Variants in ERO1B observed in about 807,000 individuals in gnomAD.
ERO1B encodes endoplasmic reticulum oxidoreductase 1 beta.
ERO1B carries 49 observed loss-of-function variants against 75.3 expected under a neutral mutation model. The observed-to-expected ratio is 0.65, with a 90% CI of 0.52 to 0.83. ERO1B has a LOEUF of 0.83. Among genes scored for constraint, ERO1B ranks in the 40% least tolerant of loss-of-function variants. ERO1B has a pLI of 0.00. For synonymous variants in ERO1B, 191 were observed against 192.9 expected (o/e 0.99, Z 0.08); for missense variants, 512 against 560.1 (o/e 0.91, Z 0.87).
At position 236,221,243 on chromosome 1, in the gene ERO1B, A is replaced by G. The variant is rs145887389; in HGVS notation, c.1210-278T>C. Among the ~76,000 whole-genome samples, 41 of 152,268 alleles carry G rather than the reference A, an allele frequency of 2.7e-4. 2 individuals carry two copies. In the East Asian group the frequency reaches 5.4e-3, roughly 20 times the overall value. ...ACTTTTTTAACCTTGAAAATACCAT[A>G]TTAGGATTACAATGTTCAATTTGTA... is the stretch of plus-strand genomic sequence containing the variant. On this transcript the variant is annotated intron_variant, in intron 14 of 15. Coordinates refer to ENST00000354619, the MANE Select transcript of ERO1B (RefSeq NM_019891.4).
At chr1:236,241,111 C>T (rs937110131) in intron 6 of ERO1B, among the ~76,000 whole-genome samples, 1 of 152,142 alleles carries the variant, frequency 6.6e-6, no homozygotes, top group African/African-American at 2.4e-5. Flanking sequence ...AAGTCATTAT[C>T]AACAGCAAAA....
At chr1:236,253,836 T>C (rs1572055994) in intron 2 of ERO1B, among the ~76,000 whole-genome samples, 1 of 152,112 alleles carries the variant, frequency 6.6e-6, no homozygotes. Flanking sequence ...GGGTAGGCTA[T>C]GGGGGGAAAA....
At chr1:236,222,302 G>A (rs530963001) in intron 13 of ERO1B, among the ~76,000 whole-genome samples, 69 of 152,172 alleles carry the variant, frequency 4.5e-4, no homozygotes, top group African/African-American at 1.5e-3. Flanking sequence ...TAGTAGAGAC[G>A]GGGTTTCGCC....
intron 3 of ERO1B, 143 bp downstream of exon 3, chr1:236,253,278 TG>T: frequency 1.7e-6 from 1 of 589,230 alleles, no homozygotes; most frequent in South Asian, 2.2e-5. Context: ...TTCAATAATC[TG>T]GTTCTAAAGG....
At chr1:236,227,349 C>T (rs765151438) in intron 10 of ERO1B, among the ~76,000 whole-genome samples, 1 of 152,120 alleles carries the variant, frequency 6.6e-6, no homozygotes, top group Non-Finnish European at 1.5e-5. Flanking sequence ...TTTGATGTAG[C>T]CTTCTTAAGC....
intron 4 of ERO1B, chr1:236,251,519 CAGAG>C (rs541231108): frequency 7.4e-6 from 7 of 941,762 alleles, no homozygotes; most frequent in South Asian, 9.8e-5. Flanking sequence ...AAGAAGGAGA[CAGAG>C]AGAGAGGGTA....
chr1:236,254,111 G>C (rs1484186378), intron 2 of ERO1B, among the ~76,000 whole-genome samples: 2 of 152,180 alleles, frequency 1.3e-5, no homozygotes, highest in African/African-American at 4.8e-5. Flanking sequence ...AATGTAGAAG[G>C]GGGAGGGTGG....
At chr1:236,265,553 A>G (rs934153851) in intron 2 of ERO1B, among the ~76,000 whole-genome samples, 4 of 152,122 alleles carry the variant, frequency 2.6e-5, no homozygotes, top group African/African-American at 9.7e-5. Context: ...TCTATTGCAA[A>G]TCTGTATTGT....
chr1:236,263,467 C>G (rs1357453320), intron 2 of ERO1B, among the ~76,000 whole-genome samples: 1 of 152,006 alleles, frequency 6.6e-6, no homozygotes, highest in African/African-American at 2.4e-5. Context: ...CCAGGCGGGT[C>G]TCGAACTCCT....
intron 4 of ERO1B, among the ~76,000 whole-genome samples, chr1:236,250,377 C>A (rs1353582986): frequency 6.6e-6 from 1 of 151,772 alleles, no homozygotes; most frequent in Non-Finnish European, 1.5e-5. Context: ...GAGGCTGAGG[C>A]AGGAGAATTG....
Position 236,249,955 on chromosome 1 carries a change from C to T in ERO1B, c.361G>A (p.Ala121Thr). The change falls in exon 5 of 16, where the codon GCA becomes ACA. Residue 121 changes from alanine (A) to threonine (T), a missense_variant. Transcript: ENST00000354619. ...TCTTCTAATTCTTTGGTATTGTTTG[C>T]CATTTTCAAGTACTGCAAAGAAGTT... ...AGHSNKYLKM[A>T]NNTKELEDCE... 2 of 1,598,732 alleles carry T rather than the reference C, an allele frequency of 1.3e-6. No homozygotes were observed. The highest frequency in any genetic ancestry group is 1.2e-5 in the South Asian group (1 of 86,108).
At position 236,250,618 on chromosome 1, in the gene ERO1B, T is replaced by TATATATATGTATAG. The variant is rs1491338079; in HGVS notation, c.349-652_349-651insCTATACATATATAT. 9.6e-4 allele frequency among the ~76,000 whole-genome samples: 106 copies of TATATATATGTATAG among 110,250 alleles called. 11 individuals carry two copies. Among genetic ancestry groups the TATATATATGTATAG allele is most frequent in the Non-Finnish European group, 1.5e-3 (78 of 51,976 alleles). The allele number at this position is 110,250 out of a possible 152,430, so 72.3% of individuals were successfully genotyped here. On this transcript the variant is annotated intron_variant, in intron 4 of 15. Coordinates refer to ENST00000354619, the MANE Select transcript of ERO1B (RefSeq NM_019891.4). Reference sequence around the variant, plus strand: ...ATATATATATATATATATATATATATCAAACGTGTGTGTGCAAACATATAT... The same window carrying TATATATATGTATAG: ...ATATATATATATATATATATATATATATATATATGTATAGCAAACGTGTGTGTGCAAACATATAT...
chr1:236,239,823 G>GTGTGTATATATA (rs1558510815), intron 6 of ERO1B, among the ~76,000 whole-genome samples: 4 of 115,958 alleles, frequency 3.4e-5, no homozygotes, highest in South Asian at 3.3e-4. Context: ...ATATATATAT[G>GTGTGTATATATA]TGTATATATA....
In ERO1B at chr1:236,226,249, C is replaced by T. The variant is rs779765614; in HGVS notation, c.1052+20G>A. On this transcript the variant is annotated intron_variant, in intron 12 of 15. Coordinates refer to ENST00000354619, the MANE Select transcript of ERO1B (RefSeq NM_019891.4). Reference sequence around the variant, plus strand: ...GAATACAGAGAGGAGAATTTCAAATCACGGATAGTCAATTCTTACTTTGTA... The same window carrying T: ...GAATACAGAGAGGAGAATTTCAAATTACGGATAGTCAATTCTTACTTTGTA... 6.2e-7 allele frequency: 1 copy of T among 1,609,250 alleles called. No homozygotes were observed. The highest frequency in any genetic ancestry group is 1.7e-5 in the Admixed American group (1 of 59,264).
Position 236,250,034 on chromosome 1 carries a change from G to A in ERO1B, c.349-67C>T, listed in dbSNP as rs1664978130. ...TTCTTTATTTCAGTTTCTATTGGCA[G>A]AATAATCAATCTGTCAACAATGATA... is the stretch of plus-strand genomic sequence containing the variant. On this transcript the variant is annotated intron_variant, in intron 4 of 15. Coordinates refer to ENST00000354619, the MANE Select transcript of ERO1B (RefSeq NM_019891.4). The A allele has an allele frequency of 1.1e-5, 11 of 1,045,500 alleles. No individual in the cohort carries two copies. In the South Asian group the frequency reaches 1.7e-4, roughly 16 times the overall value. The allele number at this position is 1,045,500 out of a possible 1,614,324, so 64.8% of individuals were successfully genotyped here. A position where few individuals can be genotyped will look rare whatever the true frequency, so the allele number is the denominator to read the frequency against.
At chr1:236,255,087 ATTT>A (rs1235774948) in intron 2 of ERO1B, among the ~76,000 whole-genome samples, 1 of 138,778 alleles carries the variant, frequency 7.2e-6, no homozygotes. Flanking sequence ...CACCTGGCTA[ATTT>A]TTTTTTTCTT....
In ERO1B at chr1:236,265,762, G is replaced by A. The variant is rs141044087; in HGVS notation, c.222+4113C>T. On this transcript the variant is annotated intron_variant, in intron 2 of 15. Coordinates refer to ENST00000354619, the MANE Select transcript of ERO1B (RefSeq NM_019891.4). ...ACCTATATTTCCAACTCTCCCTCTC[G>A]TTCACTCCAGCTATACCAGCTTTCT... 6.3e-3 allele frequency among the ~76,000 whole-genome samples: 959 copies of A among 151,922 alleles called. 10 individuals are homozygous for A. Among genetic ancestry groups the A allele is most frequent in the African/African-American group, 0.022 (919 of 41,394 alleles).
At chr1:236,232,060 A>T (rs1305083695) in intron 9 of ERO1B, among the ~76,000 whole-genome samples, 1 of 152,166 alleles carries the variant, frequency 6.6e-6, no homozygotes, top group Non-Finnish European at 1.5e-5. Context: ...CTGTCCCATT[A>T]TTCAAAATTC....
chr1:236,248,760 A>C (rs1282516041), intron 5 of ERO1B, among the ~76,000 whole-genome samples: 1 of 152,154 alleles, frequency 6.6e-6, no homozygotes, highest in Non-Finnish European at 1.5e-5. Context: ...ACACCAACTA[A>C]TTCTTGATAG....
Sources: allele counts gnomAD v4.1 joint callset (sites outside exome capture counted in the v4.1 genomes callset), GRCh38; gene constraint gnomAD v4.1.1; transcripts MANE v1.5; gene names NCBI Gene and HGNC (gene_info 2026-07-23, HGNC 2026-07-21).